PDCD7: variants seen among roughly 807,000 people sequenced by gnomAD.
PDCD7 encodes programmed cell death protein 7.
A neutral mutation model predicts 42.1 loss-of-function variants in PDCD7; 40 were observed. The observed-to-expected ratio is 0.95, with a 90% confidence interval of 0.74 to 1.24. The LOEUF (loss-of-function observed/expected upper bound fraction) is 1.24, where lower values mean the gene tolerates loss of function less well. Ranked by LOEUF, PDCD7 falls within the 50% of genes most tolerant of loss-of-function variation. PDCD7 has a pLI of 0.00. For missense variants in PDCD7, 644 were observed against 662.8 expected (o/e 0.97, Z 0.31); for synonymous variants, 299 against 303.3 (o/e 0.99, Z 0.15).
intron 1 of PDCD7, 38 bp downstream of exon 1, chr15:65,132,874 C>T (rs2087552580): frequency 1.3e-6 from 2 of 1,597,004 alleles, no homozygotes; most frequent in African/African-American, 1.3e-5. Flanking sequence ...GTTCCAACCA[C>T]CACCACTCCT....
chr15:65,133,678 G>C lies in PDCD7; in HGVS notation c.104C>G (p.Pro35Arg). Residue 35 changes from proline (P) to arginine (R), a missense_variant, in exon 1 of 5, where the codon CCG (proline) becomes CGG (arginine). Physicochemically the swap from Pro to Arg is moderately radical, Grantham distance 103 (BLOSUM62 -2). Coordinates refer to ENST00000204549, the MANE Select transcript of PDCD7 (RefSeq NM_005707.2). ...FGCPPPPLPSPAFPPPLPQRP... is the reference protein window; with the variant it reads ...FGCPPPPLPSRAFPPPLPQRP... ...CTGGGGGAGAGGCGGCGGGAAAGCC[G>C]GGGAGGGCAGCGGCGGTGGCGGACA... 1 of 1,270,460 alleles carries C rather than the reference G, an allele frequency of 7.9e-7. No homozygotes were observed. Among genetic ancestry groups the C allele is most frequent in the Non-Finnish European group, 1.0e-6 (1 of 1,002,280 alleles). The allele number at this position is 1,270,460 out of a possible 1,614,324, so 78.7% of individuals were successfully genotyped here. A position where few individuals can be genotyped will look rare whatever the true frequency, so the allele number is the denominator to read the frequency against.
At chr15:65,119,540 C>G (rs1456120496) in intron 3 of PDCD7, 77 bp from the exon 4 acceptor site, 1 of 1,255,540 alleles carries the variant, frequency 8.0e-7, no homozygotes, top group Non-Finnish European at 1.2e-6. Context: ...GTGACTGAGC[C>G]TATGATTACG....
At chr15:65,119,545 A>G in intron 3 of PDCD7, 82 bp from the exon 4 acceptor site, 1 of 1,240,250 alleles carries the variant, frequency 8.1e-7, no homozygotes, top group Non-Finnish European at 1.2e-6. Context: ...TGAGCCTATG[A>G]TTACGACAGA....
intron 2 of PDCD7, among the ~76,000 whole-genome samples, chr15:65,125,163 A>C (rs1485397928): frequency 1.3e-5 from 2 of 151,848 alleles, no homozygotes; most frequent in South Asian, 2.1e-4. Flanking sequence ...CATCTCCTTC[A>C]TTTTCATGCT....
chr15:65,119,544 G>T, intron 3 of PDCD7, 81 bp from the exon 4 acceptor site: 3 of 1,233,506 alleles, frequency 2.4e-6, no homozygotes, highest in South Asian at 2.4e-5. Flanking sequence ...CTGAGCCTAT[G>T]ATTACGACAG....
At chr15:65,123,493 A>C (rs1416506560) in intron 2 of PDCD7, among the ~76,000 whole-genome samples, 1 of 152,122 alleles carries the variant, frequency 6.6e-6, no homozygotes, top group African/African-American at 2.4e-5. Context: ...GCCCTTCAAC[A>C]GGGTTTTAAC....
Position 65,132,041 on chromosome 15 carries a change from T to C in PDCD7, c.870+871A>G, listed in dbSNP as rs1327934730. 2.0e-5 allele frequency among the ~76,000 whole-genome samples: 3 copies of C among 150,972 alleles called. No individual in the cohort carries two copies. The East Asian group carries it at 5.8e-4, about 29-fold the overall frequency. On this transcript the variant is annotated intron_variant, in intron 1 of 4. Coordinates refer to ENST00000204549, the MANE Select transcript of PDCD7 (RefSeq NM_005707.2). ...ACACCTCTCTCTATATATACACAGA[T>C]ACATACATATATATACACACATACA...
At position 65,133,258 on chromosome 15, in the gene PDCD7, C is replaced by G; in HGVS notation, c.524G>C (p.Arg175Pro). 7.5e-7 allele frequency: 1 copy of G among 1,340,622 alleles called. No homozygotes were observed. The highest frequency in any genetic ancestry group is 9.5e-7 in the Non-Finnish European group (1 of 1,053,472). The allele number at this position is 1,340,622 out of a possible 1,614,324, so 83.0% of individuals were successfully genotyped here. Residue 175 changes from arginine to proline, a missense_variant, in exon 1 of 5, where the codon CGC becomes CCC. Physicochemically the swap from Arg to Pro is moderately radical, Grantham distance 103. Coordinates refer to ENST00000204549, the MANE Select transcript of PDCD7 (RefSeq NM_005707.2). ...THAGPSLGEV[R>P]ARLLRALRLV... Reference sequence around the variant, plus strand: ...GCGCAGAGCCCGGAGCAATCGCGCGCGCACTTCGCCAAGGCTGGGCCCGGC... The same window carrying G: ...GCGCAGAGCCCGGAGCAATCGCGCGGGCACTTCGCCAAGGCTGGGCCCGGC...
chr15:65,120,992 C>T (rs1595926614), intron 2 of PDCD7, among the ~76,000 whole-genome samples: 1 of 151,842 alleles, frequency 6.6e-6, no homozygotes, highest in Non-Finnish European at 1.5e-5. Flanking sequence ...TCTGACCCTA[C>T]CCTGACTTTC....
intron 2 of PDCD7, among the ~76,000 whole-genome samples, chr15:65,122,804 C>G (rs570674561): frequency 6.6e-6 from 1 of 152,024 alleles, no homozygotes; most frequent in African/African-American, 2.4e-5. Context: ...GAGTTTGAGA[C>G]CAGCCTGGCC....
intron 2 of PDCD7, 135 bp from the exon 3 acceptor site, chr15:65,120,089 T>C: frequency 1.1e-6 from 1 of 900,380 alleles, no homozygotes; most frequent in Non-Finnish European, 1.7e-6. Flanking sequence ...CAACCCATCC[T>C]CCCACCTTGG....
intron 2 of PDCD7, among the ~76,000 whole-genome samples, chr15:65,124,799 G>A (rs1009494462): frequency 2.0e-5 from 3 of 151,892 alleles, no homozygotes; most frequent in Admixed American, 6.6e-5. Context: ...CTACTCCTTC[G>A]CCACAAAACT....
At chr15:65,118,945 T>A in intron 4 of PDCD7, 105 bp from the exon 5 acceptor site, 1 of 739,994 alleles carries the variant, frequency 1.4e-6, no homozygotes, top group Non-Finnish European at 2.0e-6. Flanking sequence ...ACTGATATAC[T>A]AATCTATTAC....
chr15:65,133,754 C>G lies in PDCD7; in HGVS notation c.28G>C (p.Gly10Arg). 7.5e-7 allele frequency: 1 copy of G among 1,332,290 alleles called. No individual in the cohort carries two copies. The highest frequency in any genetic ancestry group is 2.2e-5 in the South Asian group (1 of 44,656). The allele number at this position is 1,332,290 out of a possible 1,614,324, so 82.5% of individuals were successfully genotyped here. A position where few individuals can be genotyped will look rare whatever the true frequency, so the allele number is the denominator to read the frequency against. Residue 10 changes from glycine (G) to arginine (R), a missense_variant, in exon 1 of 5, where the codon GGT becomes CGT. Gly to Arg is a moderately radical substitution (Grantham distance 125, BLOSUM62 -2). Transcript: ENST00000204549. ...TGCGGGGGCGGTGGGCCTGGGCGAC[C>G]CTGGCCGAAGAATGGTGGCAGGGCC... Reference protein sequence around the residue: MALPPFFGQGRPGPPPPQPP... With the variant: MALPPFFGQRRPGPPPPQPP...
At chr15:65,120,044 G>T in intron 2 of PDCD7, 90 bp from the exon 3 acceptor site, 1 of 1,367,302 alleles carries the variant, frequency 7.3e-7, no homozygotes, top group South Asian at 1.4e-5. Flanking sequence ...ACAGTGGTGT[G>T]ATCATAGCTC....
rs1026191661 is a variant in PDCD7, at chr15:65,118,780, T to C, written c.1395A>G (p.Gln465=). The change falls in exon 5 of 5, where the codon CAA becomes CAG. Residue 465 remains glutamine (Q), a synonymous_variant. Coordinates refer to ENST00000204549, the MANE Select transcript of PDCD7 (RefSeq NM_005707.2). ...SDHPKGNFVP[Q]GWVLPPLPSN... Reference sequence around the variant, plus strand: ...TGGGGAGCGGGGGAAGGACCCATCCTTGGGGAACGAAGTTGCCTTTGGGAT... The same window carrying C: ...TGGGGAGCGGGGGAAGGACCCATCCCTGGGGAACGAAGTTGCCTTTGGGAT... The C allele has an allele frequency of 1.2e-6, 2 of 1,610,992 alleles. No individual in the cohort carries two copies. Among genetic ancestry groups the C allele is most frequent in the African/African-American group, 1.3e-5 (1 of 74,782 alleles).
At chr15:65,129,341 A>G (rs529931175) in intron 1 of PDCD7, among the ~76,000 whole-genome samples, 171 bp from the exon 2 acceptor site, 2 of 152,322 alleles carry the variant, frequency 1.3e-5, no homozygotes, top group Admixed American at 1.3e-4. Flanking sequence ...TCTAGCTAAG[A>G]GGTTATCCCC....
chr15:65,130,033 G>A (rs544263645), intron 1 of PDCD7, among the ~76,000 whole-genome samples: 68 of 149,468 alleles, frequency 4.5e-4, no homozygotes, highest in Non-Finnish European at 2.8e-4. Context: ...TTGTAGAGAC[G>A]AGGTTTCTCC....
intron 2 of PDCD7, 55 bp downstream of exon 2, chr15:65,128,966 GGGGTGGGAGGA>G: frequency 6.5e-7 from 1 of 1,540,344 alleles, no homozygotes; most frequent in African/African-American, 1.4e-5. Flanking sequence ...AATAATATTT[GGGGTGGGAGGA>G]GCTAGAGTAA....
Sources: gnomAD v4.1 joint callset for allele counts (sites outside exome capture counted in the v4.1 genomes callset) on GRCh38, gnomAD v4.1.1 for gene constraint, MANE v1.5 for transcripts, NCBI Gene and HGNC (gene_info 2026-07-23, HGNC 2026-07-21) for gene names.